Variants in NKAIN2 observed in about 807,000 individuals in gnomAD.
NKAIN2 encodes the protein sodium/potassium-transporting ATPase subunit beta-1-interacting protein 2.
A neutral mutation model predicts 32.6 loss-of-function variants in NKAIN2; 14 were observed. That is an observed-to-expected ratio of 0.43 (90% CI 0.28 to 0.67). The LOEUF is 0.67. NKAIN2 is among the 30% of genes least tolerant of loss of function. The pLI is 0.17. For missense variants in NKAIN2, 198 were observed against 258.3 expected (o/e 0.77, Z 1.60); for synonymous variants, 80 against 87.2 (o/e 0.92, Z 0.46).
chr6:124,144,719 G>A (rs1330784100), intron 1 of NKAIN2, among the ~76,000 whole-genome samples: 2 of 151,962 alleles, frequency 1.3e-5, no homozygotes, highest in Non-Finnish European at 2.9e-5. Context: ...CAATCTAGGG[G>A]CAGGCATAAA....
chr6:124,417,078 A>C (rs557167696), intron 3 of NKAIN2, among the ~76,000 whole-genome samples: 12 of 152,240 alleles, frequency 7.9e-5, no homozygotes, highest in Non-Finnish European at 1.3e-4. Flanking sequence ...ATCACTTAGC[A>C]TATTAAGAAT....
intron 3 of NKAIN2, among the ~76,000 whole-genome samples, chr6:124,394,409 A>G (rs994437327): frequency 6.6e-6 from 1 of 152,042 alleles, no homozygotes; most frequent in African/African-American, 2.4e-5. Flanking sequence ...CTAATAATGC[A>G]TGGCCCTTGT....
chr6:124,384,371 T>C (rs919407457), intron 3 of NKAIN2, among the ~76,000 whole-genome samples: 4 of 152,078 alleles, frequency 2.6e-5, no homozygotes, highest in Non-Finnish European at 5.9e-5. Flanking sequence ...TCAAGCAGGA[T>C]CAAAGACAGA....
chr6:124,772,875 T>A (rs1220128053), intron 4 of NKAIN2, among the ~76,000 whole-genome samples: 2 of 152,176 alleles, frequency 1.3e-5, no homozygotes, highest in Non-Finnish European at 2.9e-5. Context: ...TAATGTTTAC[T>A]CTGGGTAATG....
At chr6:124,706,236 A>G (rs885240) in intron 4 of NKAIN2, among the ~76,000 whole-genome samples, 3 of 151,970 alleles carry the variant, frequency 2.0e-5, no homozygotes, top group African/African-American at 7.3e-5. Flanking sequence ...TCTTTACTTC[A>G]CTTTATTATT....
At chr6:124,677,880 TTTC>T (rs1188469001) in intron 4 of NKAIN2, among the ~76,000 whole-genome samples, 77 of 152,276 alleles carry the variant, frequency 5.1e-4, no homozygotes, top group African/African-American at 1.8e-3. Context: ...TCCTTTAACC[TTTC>T]TTTTTAAGGC....
intron 4 of NKAIN2, among the ~76,000 whole-genome samples, chr6:124,709,105 T>G (rs1775280510): frequency 7.9e-6 from 1 of 127,260 alleles, no homozygotes; most frequent in South Asian, 2.6e-4. Flanking sequence ...ATCATGTGGT[T>G]TTTGTCTTTG....
At chr6:124,029,398 A>T (rs1582956845) in intron 1 of NKAIN2, among the ~76,000 whole-genome samples, 1 of 145,448 alleles carries the variant, frequency 6.9e-6, no homozygotes, top group Admixed American at 6.8e-5. Context: ...ATTTTATTTA[A>T]AAAAAAAAAA....
intron 4 of NKAIN2, among the ~76,000 whole-genome samples, chr6:124,702,715 A>G (rs2114573630): frequency 6.6e-6 from 1 of 152,206 alleles, no homozygotes; most frequent in South Asian, 2.1e-4. Flanking sequence ...AGAGCCACAG[A>G]ATGTAAAATT....
intron 4 of NKAIN2, among the ~76,000 whole-genome samples, chr6:124,765,976 A>G (rs1420971905): frequency 2.0e-5 from 3 of 152,224 alleles, no homozygotes; most frequent in East Asian, 1.9e-4. Flanking sequence ...CATCTAAAAC[A>G]AAATTAAATT....
At chr6:124,102,085 G>C (rs1051399972) in intron 1 of NKAIN2, among the ~76,000 whole-genome samples, 1 of 152,182 alleles carries the variant, frequency 6.6e-6, no homozygotes, top group Non-Finnish European at 1.5e-5. Context: ...AACTGGCATG[G>C]GCCAGGTAAA....
At chr6:124,640,671 C>T (rs572053636) in intron 3 of NKAIN2, among the ~76,000 whole-genome samples, 6 of 152,084 alleles carry the variant, frequency 3.9e-5, no homozygotes, top group African/African-American at 7.2e-5. Flanking sequence ...CTAGTAAAGG[C>T]GTGAAAGAGA....
chr6:123,870,912 T>C (rs186309168), intron 1 of NKAIN2, among the ~76,000 whole-genome samples: 1 of 152,176 alleles, frequency 6.6e-6, no homozygotes, highest in African/African-American at 2.4e-5. Flanking sequence ...TGTCTTTTTT[T>C]AATATAATCT....
intron 3 of NKAIN2, among the ~76,000 whole-genome samples, chr6:124,373,376 T>C (rs1799851846): frequency 6.6e-6 from 1 of 152,076 alleles, no homozygotes. Context: ...CATGGCTCTA[T>C]TTTGTCAACA....
chr6:124,595,213 C>T (rs139321747), intron 3 of NKAIN2, among the ~76,000 whole-genome samples: 1 of 152,306 alleles, frequency 6.6e-6, no homozygotes, highest in Non-Finnish European at 1.5e-5. Context: ...CTGCAAACGT[C>T]CCATGATCGT....
intron 3 of NKAIN2, among the ~76,000 whole-genome samples, chr6:124,606,561 A>G (rs1004860307): frequency 5.9e-5 from 9 of 152,140 alleles, no homozygotes; most frequent in African/African-American, 2.2e-4. Context: ...GAAATATCCA[A>G]ATGAAAGATA....
intron 3 of NKAIN2, among the ~76,000 whole-genome samples, chr6:124,550,098 C>T (rs1583424926): frequency 6.6e-6 from 1 of 152,146 alleles, no homozygotes; most frequent in Non-Finnish European, 1.5e-5. Context: ...TTTCTACTTT[C>T]CTCTTCATTA....
chr6:124,243,102 C>A (rs1407156828), intron 1 of NKAIN2, among the ~76,000 whole-genome samples: 4 of 150,524 alleles, frequency 2.7e-5, no homozygotes, highest in East Asian at 2.0e-4. Flanking sequence ...ACAGATTTGT[C>A]ATAAGAGATC....
chr6:124,192,930 T>C (rs779775922), intron 1 of NKAIN2, among the ~76,000 whole-genome samples: 19 of 151,978 alleles, frequency 1.3e-4, no homozygotes, highest in South Asian at 2.1e-4. Flanking sequence ...TTTGTATTTT[T>C]AGTAGAGACG....
Sources: gnomAD v4.1 joint callset for allele counts (sites outside exome capture counted in the v4.1 genomes callset) on GRCh38, gnomAD v4.1.1 for gene constraint, MANE v1.5 for transcripts, NCBI Gene and HGNC (gene_info 2026-07-23, HGNC 2026-07-21) for gene names.